Variants in RALGPS1 observed in about 807,000 individuals in gnomAD.
RALGPS1 encodes Ral GEF with PH domain and SH3 binding motif 1, also known as ras-specific guanine nucleotide-releasing factor RalGPS1.
In RALGPS1, 19 loss-of-function variants were observed where a neutral mutation model predicts 78.8. The ratio of observed to expected loss-of-function variants is 0.24; its 90% CI spans 0.17 to 0.35. The LOEUF is 0.35. Ranked by LOEUF, RALGPS1 falls within the 10% of genes least tolerant of loss-of-function variation. The probability of loss-of-function intolerance (pLI) is 1.00; values close to 1 mark genes in which losing one functional copy is unlikely to be tolerated. For missense variants in RALGPS1, 454 were observed against 688.3 expected, an observed-to-expected ratio of 0.66 and a Z score of 3.81; for synonymous variants, 228 against 256.3, an observed-to-expected ratio of 0.89 and a Z score of 1.06.
intron 10 of RALGPS1, among the ~76,000 whole-genome samples, chr9:127,173,497 C>T (rs1013841381): frequency 9.2e-5 from 14 of 152,160 alleles, no homozygotes; most frequent in Admixed American, 9.2e-4. Context: ...TGTTTAGTTG[C>T]ACCTGGTGAG....
chr9:127,054,132 T>G (rs1171972198), intron 7 of RALGPS1, among the ~76,000 whole-genome samples: 17 of 152,340 alleles, frequency 1.1e-4, no homozygotes, highest in Admixed American at 7.8e-4. Flanking sequence ...ACTGGACTTC[T>G]GGGTGAATTT....
intron 4 of RALGPS1, among the ~76,000 whole-genome samples, chr9:126,997,487 G>A (rs1012788301): frequency 2.6e-5 from 4 of 152,104 alleles, no homozygotes; most frequent in African/African-American, 4.8e-5. Flanking sequence ...TCTTCAAGGA[G>A]AACTACAAAC....
chr9:127,172,333 T>C (rs1280332600), intron 10 of RALGPS1, among the ~76,000 whole-genome samples: 3 of 152,164 alleles, frequency 2.0e-5, no homozygotes, highest in East Asian at 1.9e-4. Flanking sequence ...ATTTTTTTTT[T>C]CCTCTTGTTA....
intron 4 of RALGPS1, among the ~76,000 whole-genome samples, chr9:126,983,029 C>G (rs1382774697): frequency 2.0e-5 from 3 of 147,336 alleles, no homozygotes; most frequent in Non-Finnish European, 4.5e-5. Context: ...CTCTGCCTCC[C>G]GGGTTCAAAC....
chr9:127,162,890 C>T (rs1439396016), intron 8 of RALGPS1, among the ~76,000 whole-genome samples: 1 of 152,192 alleles, frequency 6.6e-6, no homozygotes, highest in Non-Finnish European at 1.5e-5. Flanking sequence ...ATGGGTGCAG[C>T]AGCCTGATAG....
chr9:127,024,878 A>G (rs1398732334), intron 4 of RALGPS1, among the ~76,000 whole-genome samples: 4 of 152,012 alleles, frequency 2.6e-5, no homozygotes, highest in East Asian at 3.9e-4. Context: ...TTCCTTTGCA[A>G]TGCTCTATGG....
intron 1 of RALGPS1, among the ~76,000 whole-genome samples, chr9:126,925,938 G>A (rs926860453): frequency 1.1e-4 from 17 of 152,214 alleles, no homozygotes; most frequent in African/African-American, 4.1e-4. Context: ...GTACTGGGGA[G>A]CCAGCATGGC....
chr9:127,158,236 A>G (rs901154248), intron 8 of RALGPS1, among the ~76,000 whole-genome samples: 3 of 152,052 alleles, frequency 2.0e-5, no homozygotes, highest in African/African-American at 7.2e-5. Context: ...TTTTAATTAT[A>G]TTAGGTTGGT....
At chr9:126,977,806 C>G in intron 4 of RALGPS1, 61 bp downstream of exon 4, 1 of 1,258,858 alleles carries the variant, frequency 7.9e-7, no homozygotes, top group Admixed American at 2.1e-5. Flanking sequence ...AGGATTTAGC[C>G]AGCCACTGTT....
In RALGPS1 at chr9:127,108,443, G is replaced by A. The variant is rs150581056; in HGVS notation, c.610+39087G>A. The stretch of plus-strand genomic sequence containing the variant: ...GTCTCGATCTGCCGCTTCTGCTTGA[G>A]CAGCTCATTGTTGAGCAGCTCTAGC... On this transcript the variant is annotated intron_variant, in intron 8 of 18. Transcript: ENST00000259351. 5.9e-5 allele frequency: 95 copies of A among 1,609,794 alleles called. No individual in the cohort carries two copies. Among genetic ancestry groups the A allele is most frequent in the Non-Finnish European group, 7.6e-5 (90 of 1,179,268 alleles).
chr9:127,057,764 C>T (rs564914051), intron 7 of RALGPS1, among the ~76,000 whole-genome samples: 2 of 152,356 alleles, frequency 1.3e-5, no homozygotes, highest in South Asian at 2.1e-4. Context: ...TCTCAAATGT[C>T]AGGCCCTGAA....
intron 5 of RALGPS1, among the ~76,000 whole-genome samples, chr9:127,037,441 G>T (rs2046956775): frequency 6.6e-6 from 1 of 152,200 alleles, no homozygotes; most frequent in African/African-American, 2.4e-5. Context: ...CTTGTCTCAT[G>T]GACACATTTT....
At chr9:127,025,822 G>A (rs6478762) in intron 4 of RALGPS1, among the ~76,000 whole-genome samples, 21,025 of 151,906 alleles carry the variant, frequency 0.14, 4,791 homozygotes, top group African/African-American at 0.48. Flanking sequence ...CTCCTGAGTA[G>A]CTAGGACTGC....
chr9:127,135,999 G>T (rs1240733530), intron 8 of RALGPS1, among the ~76,000 whole-genome samples: 2 of 152,198 alleles, frequency 1.3e-5, no homozygotes, highest in East Asian at 3.8e-4. Flanking sequence ...TTGGAAAGGG[G>T]AGGCAACATA....
At chr9:127,022,633 C>T (rs976836466) in intron 4 of RALGPS1, among the ~76,000 whole-genome samples, 1 of 152,146 alleles carries the variant, frequency 6.6e-6, no homozygotes. Context: ...TCTGCTCCAG[C>T]CATGGGCTAC....
intron 1 of RALGPS1, among the ~76,000 whole-genome samples, chr9:126,931,792 T>C (rs1271952032): frequency 6.6e-6 from 1 of 152,132 alleles, no homozygotes; most frequent in African/African-American, 2.4e-5. Flanking sequence ...TATCTGAATT[T>C]AAAAAAATAA....
At chr9:127,125,779 C>T (rs899327620) in intron 8 of RALGPS1, among the ~76,000 whole-genome samples, 4 of 152,168 alleles carry the variant, frequency 2.6e-5, no homozygotes, top group Non-Finnish European at 5.9e-5. Flanking sequence ...AGGGAATCTT[C>T]CTTTCCTTTT....
rs2062781776 is a variant in RALGPS1 at position 127,221,845 on chromosome 9, CAGGA to C, written c.*3079_*3082del. The stretch of plus-strand genomic sequence containing the variant: ...TTACAGGCGGAAATGCTCCATGAAA[CAGGA>C]AGCCACTTGCAAGCAACATCTGCTC... On this transcript the variant is annotated 3_prime_UTR_variant, in exon 19 of 19. Transcript: ENST00000259351. 6.6e-6 allele frequency: 1 copy of C among 152,136 alleles called. No homozygotes were observed. Among genetic ancestry groups the C allele is most frequent in the South Asian group, 2.1e-4 (1 of 4,828 alleles). 9.4% of individuals were successfully genotyped at this position (152,136 alleles called of 1,614,324 possible). A position where few individuals can be genotyped will look rare whatever the true frequency, so the allele number is the denominator to read the frequency against.
rs180874379 is a variant in RALGPS1 at position 127,080,204 on chromosome 9, C to T, written c.610+10848C>T. Among the ~76,000 whole-genome samples the T allele has an allele frequency of 5.9e-5, 9 of 152,244 alleles. No homozygotes were observed. The East Asian group carries it at 1.7e-3, about 29-fold the overall frequency. ...TTACCCTTAGGAAGCCTGTTGTTCCCTGATGGAGTATACAGTGGGCTCCTG... is the reference window on the plus strand; with the variant it reads ...TTACCCTTAGGAAGCCTGTTGTTCCTTGATGGAGTATACAGTGGGCTCCTG... On this transcript the variant is annotated intron_variant, in intron 8 of 18. Transcript: ENST00000259351.
Sources: allele counts gnomAD v4.1 joint callset (sites outside exome capture counted in the v4.1 genomes callset), GRCh38; gene constraint gnomAD v4.1.1; transcripts MANE v1.5; gene names NCBI Gene and HGNC (gene_info 2026-07-23, HGNC 2026-07-21).